Variants in ELMO1 observed in about 807,000 individuals in gnomAD.
The protein encoded by ELMO1 is engulfment and cell motility protein 1.
In ELMO1, 26 loss-of-function variants were observed where a neutral mutation model predicts 98.9. That is an observed-to-expected ratio of 0.26 (90% CI 0.19 to 0.36). ELMO1 has a LOEUF of 0.36. ELMO1 is among the 10% of genes least tolerant of loss of function. The pLI is 1.00. For synonymous variants in ELMO1, 346 were observed against 346.0 expected (o/e 1.00, Z 0.00); for missense variants, 627 against 935.2 (o/e 0.67, Z 4.30).
chr7:37,258,306 T>A (rs1287549497), intron 6 of ELMO1, among the ~76,000 whole-genome samples: 1 of 151,436 alleles, frequency 6.6e-6, no homozygotes, highest in East Asian at 1.9e-4. Flanking sequence ...CTGGGTGTGG[T>A]GGCACATGCC....
At chr7:37,036,889 G>T (rs1020116891) in intron 15 of ELMO1, among the ~76,000 whole-genome samples, 2 of 152,132 alleles carry the variant, frequency 1.3e-5, no homozygotes, top group Non-Finnish European at 2.9e-5. Flanking sequence ...ATATTCAAAA[G>T]AACTTCTCAG....
At chr7:37,019,006 C>A (rs1481036529) in intron 15 of ELMO1, among the ~76,000 whole-genome samples, 2 of 152,104 alleles carry the variant, frequency 1.3e-5, no homozygotes, top group African/African-American at 2.4e-5. Flanking sequence ...ATGTCAAAAA[C>A]CTACTGAACT....
intron 16 of ELMO1, among the ~76,000 whole-genome samples, chr7:36,960,584 A>G (rs892061758): frequency 2.0e-5 from 3 of 152,066 alleles, no homozygotes; most frequent in African/African-American, 7.2e-5. Context: ...GCATGACTGA[A>G]GAAGCAGCCC....
rs558783313 is a variant in ELMO1, at chr7:37,375,626, T to G, written c.-73-32863A>C. On this transcript the variant is annotated intron_variant, in intron 1 of 21. Transcript: ENST00000310758. ...TCCCCCATGCCTAAGCACCAGGAGC[T>G]GGCAGACAAGAATGTGCCCAACCTT... 5.8e-5 allele frequency: 68 copies of G among 1,162,586 alleles called. 1 individual carries two copies. Among genetic ancestry groups the G allele is most frequent in the Admixed American group, 2.0e-4 (12 of 59,284 alleles). 72.0% of individuals were successfully genotyped at this position (1,162,586 alleles called of 1,614,324 possible).
chr7:36,940,704 T>G (rs1428251820), intron 16 of ELMO1, among the ~76,000 whole-genome samples: 1 of 152,186 alleles, frequency 6.6e-6, no homozygotes, highest in Non-Finnish European at 1.5e-5. Context: ...ACAATAATAA[T>G]GACAAATTAA....
chr7:37,049,351 G>A (rs935607953), intron 15 of ELMO1, among the ~76,000 whole-genome samples: 5 of 152,150 alleles, frequency 3.3e-5, no homozygotes, highest in Non-Finnish European at 2.9e-5. Context: ...CCAAGGAAAA[G>A]CTATTCTGCT....
intron 15 of ELMO1, among the ~76,000 whole-genome samples, chr7:37,068,960 T>C (rs1562979918): frequency 6.6e-6 from 1 of 152,202 alleles, no homozygotes; most frequent in Non-Finnish European, 1.5e-5. Flanking sequence ...ATTCTACATG[T>C]GAAATATAAA....
intron 15 of ELMO1, among the ~76,000 whole-genome samples, chr7:37,023,172 A>C (rs769016217): frequency 1.6e-4 from 24 of 152,180 alleles, no homozygotes; most frequent in Non-Finnish European, 2.8e-4. Context: ...TCTTTTCTTA[A>C]TCTAGATAGC....
intron 13 of ELMO1, among the ~76,000 whole-genome samples, chr7:37,178,520 T>C (rs1790635302): frequency 6.6e-6 from 1 of 151,788 alleles, no homozygotes; most frequent in South Asian, 2.1e-4. Flanking sequence ...GAGGATCGCC[T>C]GAGCCCAGGA....
At chr7:37,076,510 A>G (rs145337003) in intron 15 of ELMO1, among the ~76,000 whole-genome samples, 86 of 152,306 alleles carry the variant, frequency 5.6e-4, no homozygotes, top group African/African-American at 1.9e-3. Flanking sequence ...CAACAACCAG[A>G]AGGTTAGATT....
chr7:37,216,832 C>T (rs1793312126), intron 10 of ELMO1, 137 bp from the exon 11 acceptor site: 1 of 808,138 alleles, frequency 1.2e-6, no homozygotes, highest in African/African-American at 1.7e-5. Flanking sequence ...TGAACTCAAA[C>T]AGGCAGTAGT....
chr7:37,153,104 A>G (rs1180355356), intron 13 of ELMO1, among the ~76,000 whole-genome samples: 1 of 152,232 alleles, frequency 6.6e-6, no homozygotes, highest in East Asian at 1.9e-4. Flanking sequence ...TCCTCCAACA[A>G]GTAGGCACTT....
chr7:37,208,691 A>AACCT (rs1331617786), intron 13 of ELMO1, among the ~76,000 whole-genome samples: 4 of 152,142 alleles, frequency 2.6e-5, no homozygotes, highest in African/African-American at 9.7e-5. Flanking sequence ...CTGTTTACTG[A>AACCT]GGCCTGTCTA....
chr7:36,888,960 T>C (rs1805289547), intron 17 of ELMO1, among the ~76,000 whole-genome samples: 2 of 152,144 alleles, frequency 1.3e-5, no homozygotes, highest in South Asian at 4.1e-4. Context: ...AATAACAGCT[T>C]TTGGGGAAAG....
intron 1 of ELMO1, among the ~76,000 whole-genome samples, chr7:37,444,352 A>G (rs1805525568): frequency 6.6e-6 from 1 of 152,216 alleles, no homozygotes; most frequent in Admixed American, 6.5e-5. Context: ...TGGTGAGAAA[A>G]GGGGATAGTC....
chr7:37,220,356 G>C (rs1793525889), intron 10 of ELMO1, among the ~76,000 whole-genome samples: 1 of 152,080 alleles, frequency 6.6e-6, no homozygotes, highest in African/African-American at 2.4e-5. Context: ...GAATGAATGA[G>C]TCATATAATA....
intron 1 of ELMO1, among the ~76,000 whole-genome samples, chr7:37,424,063 G>T (rs1583736888): frequency 6.6e-6 from 1 of 152,096 alleles, no homozygotes; most frequent in East Asian, 1.9e-4. Flanking sequence ...GGTCCAGTGG[G>T]GCACTTGCCC....
chr7:37,151,627 G>A (rs1788367369), intron 13 of ELMO1, among the ~76,000 whole-genome samples: 1 of 152,148 alleles, frequency 6.6e-6, no homozygotes, highest in African/African-American at 2.4e-5. Context: ...TTCGGCCCCT[G>A]TGATCCTGAA....
At chr7:37,042,225 AAAG>A (rs1256764864) in intron 15 of ELMO1, among the ~76,000 whole-genome samples, 2 of 152,028 alleles carry the variant, frequency 1.3e-5, no homozygotes, top group East Asian at 1.9e-4. Context: ...AAAAAAAAAA[AAAG>A]AAGAGAGAGA....
Sources: gnomAD v4.1 joint callset for allele counts (sites outside exome capture counted in the v4.1 genomes callset) on GRCh38, gnomAD v4.1.1 for gene constraint, MANE v1.5 for transcripts, NCBI Gene and HGNC (gene_info 2026-07-23, HGNC 2026-07-21) for gene names.